Variants in CARMIL1 observed in about 807,000 individuals in gnomAD.
The protein encoded by CARMIL1 is F-actin-uncapping protein LRRC16A.
Under a neutral mutation model 177.1 loss-of-function variants are expected in CARMIL1, and 90 were observed. The ratio of observed to expected loss-of-function variants is 0.51; its 90% CI spans 0.43 to 0.61. CARMIL1 has a LOEUF of 0.61. Among genes scored for constraint, CARMIL1 ranks in the 20% least tolerant of loss-of-function variants. CARMIL1 has a pLI of 0.00. For missense variants in CARMIL1, 1,380 were observed against 1,667.0 expected, an observed-to-expected ratio of 0.83 and a Z score of 3.00; for synonymous variants, 577 against 606.2, an observed-to-expected ratio of 0.95 and a Z score of 0.71.
At chr6:25,312,905 T>TA (rs35960509) in intron 2 of CARMIL1, among the ~76,000 whole-genome samples, 2,949 of 114,604 alleles carry the variant, frequency 0.026, 88 homozygotes, top group Non-Finnish European at 0.043. Context: ...ATGACTCAGT[T>TA]AAAAAAAAAA....
At chr6:25,303,276 C>A (rs886850447) in intron 2 of CARMIL1, among the ~76,000 whole-genome samples, 1 of 152,148 alleles carries the variant, frequency 6.6e-6, no homozygotes, top group African/African-American at 2.4e-5. Context: ...GTAAAACTGT[C>A]ACCTAACATT....
chr6:25,563,179 C>CTAAA, intron 29 of CARMIL1: 1 of 972,458 alleles, frequency 1.0e-6, no homozygotes, highest in Non-Finnish European at 1.2e-6. Context: ...TCTCTAAACT[C>CTAAA]AGTCTTACTT....
chr6:25,390,320 ATTTTTTTT>A (rs1287414586), intron 2 of CARMIL1, among the ~76,000 whole-genome samples: 6 of 58,102 alleles, frequency 1.0e-4, no homozygotes, highest in African/African-American at 3.7e-4. Context: ...ATATATATAT[ATTTTTTTT>A]TTTTTTTTTT....
intron 24 of CARMIL1, among the ~76,000 whole-genome samples, chr6:25,533,163 A>C (rs1807940814): frequency 6.6e-6 from 1 of 152,200 alleles, no homozygotes; most frequent in African/African-American, 2.4e-5. Flanking sequence ...TCTTTGTTAA[A>C]CACTCACTTT....
At chr6:25,399,165 TGCA>T (rs1793679451) in intron 2 of CARMIL1, among the ~76,000 whole-genome samples, 1 of 152,252 alleles carries the variant, frequency 6.6e-6, no homozygotes, top group African/African-American at 2.4e-5. Flanking sequence ...CGATCCAGGA[TGCA>T]CAGCCTTTTG....
chr6:25,391,741 G>A (rs957764527), intron 2 of CARMIL1, among the ~76,000 whole-genome samples: 1 of 152,192 alleles, frequency 6.6e-6, no homozygotes, highest in Non-Finnish European at 1.5e-5. Context: ...GGTGAACATA[G>A]CAATACAAGT....
At chr6:25,598,118 A>G (rs182713446) in intron 32 of CARMIL1, among the ~76,000 whole-genome samples, 139 of 152,142 alleles carry the variant, frequency 9.1e-4, no homozygotes, top group Non-Finnish European at 1.5e-3. Context: ...TAAAAAACCA[A>G]TTTGCTTGAC....
intron 7 of CARMIL1, 34 bp downstream of exon 7, chr6:25,450,443 C>G (rs759434525): frequency 3.4e-6 from 5 of 1,489,276 alleles, no homozygotes; most frequent in Non-Finnish European, 4.7e-6. Flanking sequence ...CATGAGCACA[C>G]ACACTCCTGG....
chr6:25,407,772 G>T (rs1189309479), intron 2 of CARMIL1, among the ~76,000 whole-genome samples: 1 of 152,194 alleles, frequency 6.6e-6, no homozygotes, highest in African/African-American at 2.4e-5. Context: ...ATGAAGATAG[G>T]TTAGTGCTGA....
chr6:25,500,829 A>G (rs1804241297), intron 17 of CARMIL1, among the ~76,000 whole-genome samples: 1 of 151,668 alleles, frequency 6.6e-6, no homozygotes, highest in Admixed American at 6.6e-5. Flanking sequence ...GTACAGTGGC[A>G]CGATTTTGGC....
chr6:25,589,827 T>C (rs2151281041), intron 31 of CARMIL1, among the ~76,000 whole-genome samples: 1 of 152,310 alleles, frequency 6.6e-6, no homozygotes, highest in East Asian at 1.9e-4. Context: ...TTCTATTTAT[T>C]CAACCACAGG....
intron 3 of CARMIL1, among the ~76,000 whole-genome samples, chr6:25,421,700 G>GGA (rs199951556): frequency 6.8e-6 from 1 of 147,886 alleles, no homozygotes; most frequent in Admixed American, 6.8e-5. Context: ...AGCCATAAAA[G>GGA]TGAGTTCATG....
At chr6:25,364,983 TTCTC>T (rs755730347) in intron 2 of CARMIL1, among the ~76,000 whole-genome samples, 7 of 152,184 alleles carry the variant, frequency 4.6e-5, no homozygotes, top group Admixed American at 4.6e-4. Context: ...GCGTTGGCCT[TTCTC>T]TATCTGGATT....
rs142830398 is a variant in CARMIL1, at chr6:25,514,673, G to T, written c.1633-1002G>T. ...GTGGTGGCTCATGCCTGTAATTCCA[G>T]CACTTTAGGATACCAAGGTGAGAGG... On this transcript the variant is annotated intron_variant, in intron 20 of 36. Transcript: ENST00000329474. Among the ~76,000 whole-genome samples, 653 of 151,950 alleles carry T rather than the reference G, an allele frequency of 4.3e-3. 5 individuals are homozygous for T. Among genetic ancestry groups the T allele is most frequent in the Non-Finnish European group, 4.7e-3 (319 of 67,984 alleles).
chr6:25,616,565 C>T (rs1281310096), intron 36 of CARMIL1, among the ~76,000 whole-genome samples: 2 of 152,174 alleles, frequency 1.3e-5, no homozygotes, highest in East Asian at 1.9e-4. Flanking sequence ...CAGAGTGAGA[C>T]TCAGTATCTA....
chr6:25,485,950 A>C (rs576850965), intron 12 of CARMIL1, among the ~76,000 whole-genome samples: 9 of 151,972 alleles, frequency 5.9e-5, no homozygotes, highest in South Asian at 2.1e-4. Context: ...AAAAAAAAAA[A>C]AACTCCCCAT....
chr6:25,321,294 G>A (rs1025588889), intron 2 of CARMIL1, among the ~76,000 whole-genome samples: 2 of 152,188 alleles, frequency 1.3e-5, no homozygotes, highest in African/African-American at 4.8e-5. Flanking sequence ...AACAAGAATA[G>A]AGTCTTTGCA....
intron 11 of CARMIL1, among the ~76,000 whole-genome samples, chr6:25,476,733 ATAAT>A (rs1438320449): frequency 6.6e-6 from 1 of 152,204 alleles, no homozygotes; most frequent in Non-Finnish European, 1.5e-5. Flanking sequence ...TGAGAGGTCT[ATAAT>A]TAAGTTATAC....
chr6:25,420,271 C>T, intron 3 of CARMIL1, 107 bp downstream of exon 3: 1 of 1,006,874 alleles, frequency 9.9e-7, no homozygotes, highest in South Asian at 1.3e-5. Flanking sequence ...CCTTCATATA[C>T]TGCAACACAA....
Sources: allele counts gnomAD v4.1 joint callset (sites outside exome capture counted in the v4.1 genomes callset), GRCh38; gene constraint gnomAD v4.1.1; transcripts MANE v1.5; gene names NCBI Gene and HGNC (gene_info 2026-07-23, HGNC 2026-07-21).